Variants in ADD3 observed in about 807,000 individuals in gnomAD.
The protein encoded by ADD3 is gamma-adducin.
ADD3 carries 25 observed loss-of-function variants against 80.2 expected under a neutral mutation model. The observed-to-expected ratio is 0.31, with a 90% confidence interval of 0.23 to 0.44. The LOEUF is 0.44. ADD3 is among the 20% of genes least tolerant of loss of function. The probability of loss-of-function intolerance (pLI) is 1.00; values close to 1 mark genes in which losing one functional copy is unlikely to be tolerated. For missense variants in ADD3, 829 were observed against 847.5 expected (o/e 0.98, Z 0.27); for synonymous variants, 284 against 289.6 (o/e 0.98, Z 0.20).
intron 1 of ADD3, among the ~76,000 whole-genome samples, chr10:110,099,365 A>G (rs969977533): frequency 2.6e-5 from 4 of 152,144 alleles, no homozygotes; most frequent in Non-Finnish European, 4.4e-5. Context: ...CCTCTCTAGC[A>G]TATATTCATT....
intron 1 of ADD3, among the ~76,000 whole-genome samples, chr10:110,079,510 T>G (rs1845818058): frequency 6.9e-6 from 1 of 145,536 alleles, no homozygotes; most frequent in Admixed American, 6.8e-5. Flanking sequence ...GTGATCTACC[T>G]GAACATCTTT....
At chr10:110,106,250 G>A (rs1329521590) in intron 2 of ADD3, among the ~76,000 whole-genome samples, 14 of 150,754 alleles carry the variant, frequency 9.3e-5, no homozygotes, top group African/African-American at 2.4e-4. Context: ...ATATTTATCA[G>A]TGTTATTATC....
chr10:110,014,464 G>A (rs1430681673), intron 1 of ADD3, among the ~76,000 whole-genome samples: 6 of 152,160 alleles, frequency 3.9e-5, no homozygotes, highest in African/African-American at 7.2e-5. Context: ...TATTTCCACA[G>A]CCAACTTTTT....
intron 3 of ADD3, 116 bp from the exon 4 acceptor site, chr10:110,116,143 C>T (rs1400914011): frequency 1.1e-6 from 1 of 920,136 alleles, no homozygotes; most frequent in Non-Finnish European, 1.6e-6. Context: ...TGATAAATTT[C>T]AGATTATTAT....
intron 1 of ADD3, among the ~76,000 whole-genome samples, chr10:110,071,595 A>C (rs542542919): frequency 6.6e-6 from 1 of 152,230 alleles, no homozygotes; most frequent in East Asian, 1.9e-4. Flanking sequence ...AAATAGATTT[A>C]TTCTTCACTT....
At chr10:110,006,871 G>C (rs1304299429), upstream of ADD3, among the ~76,000 whole-genome samples, 1 of 152,074 alleles carries the variant, frequency 6.6e-6, no homozygotes. Context: ...GATAAGGGTG[G>C]GGAACGAAGT....
At chr10:110,052,876 T>G (rs1041355453) in intron 1 of ADD3, among the ~76,000 whole-genome samples, 1 of 152,154 alleles carries the variant, frequency 6.6e-6, no homozygotes, top group Non-Finnish European at 1.5e-5. Context: ...TCCTTAGAGC[T>G]TTAAGAAACA....
chr10:110,054,221 T>A (rs1317331048), intron 1 of ADD3, among the ~76,000 whole-genome samples: 1 of 152,198 alleles, frequency 6.6e-6, no homozygotes, highest in Non-Finnish European at 1.5e-5. Context: ...ATATTGAGTA[T>A]GTGTTACTTT....
chr10:110,066,936 A>G (rs1207127051), intron 1 of ADD3, among the ~76,000 whole-genome samples: 1 of 152,216 alleles, frequency 6.6e-6, no homozygotes, highest in African/African-American at 2.4e-5. Context: ...TCTAGCTACA[A>G]ATTTTTGTTT....
chr10:110,029,881 GTTA>G (rs1477146405), intron 1 of ADD3, among the ~76,000 whole-genome samples: 1 of 152,092 alleles, frequency 6.6e-6, no homozygotes, highest in African/African-American at 2.4e-5. Context: ...AATTTTTAAA[GTTA>G]TTATTGGCCT....
At chr10:110,064,398 A>T (rs1843648844) in intron 1 of ADD3, among the ~76,000 whole-genome samples, 1 of 152,092 alleles carries the variant, frequency 6.6e-6, no homozygotes, top group Non-Finnish European at 1.5e-5. Flanking sequence ...ACTTGATATT[A>T]AGTTTTTTGT....
At chr10:110,004,076 G>A (rs1851543117), upstream of ADD3, among the ~76,000 whole-genome samples, 1 of 151,906 alleles carries the variant, frequency 6.6e-6, no homozygotes, top group Non-Finnish European at 1.5e-5. Context: ...GGATGTGGGG[G>A]AATGCTTTGA....
chr10:110,044,388 G>C (rs1856700042), intron 1 of ADD3, among the ~76,000 whole-genome samples: 1 of 152,108 alleles, frequency 6.6e-6, no homozygotes, highest in Non-Finnish European at 1.5e-5. Flanking sequence ...TTTTATCTTT[G>C]TGTTTCTAGA....
chr10:110,051,824 A>C (rs1422636933), intron 1 of ADD3, among the ~76,000 whole-genome samples: 1 of 152,150 alleles, frequency 6.6e-6, no homozygotes, highest in Non-Finnish European at 1.5e-5. Flanking sequence ...TATTTTTGAG[A>C]CAGAGTCTTG....
chr10:110,029,683 G>A (rs1854757091), intron 1 of ADD3, among the ~76,000 whole-genome samples: 1 of 152,148 alleles, frequency 6.6e-6, no homozygotes, highest in South Asian at 2.1e-4. Context: ...CAGTTTTCTT[G>A]CCAGTAGCAT....
chr10:110,084,335 A>C (rs1846433516), intron 1 of ADD3, among the ~76,000 whole-genome samples: 1 of 152,224 alleles, frequency 6.6e-6, no homozygotes, highest in Non-Finnish European at 1.5e-5. Context: ...AAAATCAAGA[A>C]ATTGTAACAT....
upstream of ADD3, among the ~76,000 whole-genome samples, chr10:110,001,933 C>T (rs913002101): frequency 1.3e-5 from 2 of 152,156 alleles, no homozygotes; most frequent in Admixed American, 6.5e-5. Context: ...ATGCAACTAA[C>T]GTATTTTAGG....
At chr10:110,002,906 C>G (rs745877426), upstream of ADD3, among the ~76,000 whole-genome samples, 11 of 152,118 alleles carry the variant, frequency 7.2e-5, no homozygotes, top group South Asian at 1.5e-3. Flanking sequence ...GTTGACGAAT[C>G]CTTGAGTATT....
intron 1 of ADD3, among the ~76,000 whole-genome samples, chr10:110,026,626 A>T (rs1854344772): frequency 6.6e-6 from 1 of 152,180 alleles, no homozygotes; most frequent in Admixed American, 6.5e-5. Flanking sequence ...TACAAGGTCA[A>T]GGTACTTGAG....
Sources: gnomAD v4.1 joint callset for allele counts (sites outside exome capture counted in the v4.1 genomes callset) on GRCh38, gnomAD v4.1.1 for gene constraint, MANE v1.5 for transcripts, NCBI Gene and HGNC (gene_info 2026-07-23, HGNC 2026-07-21) for gene names.